ZNF516: variants seen among roughly 807,000 people sequenced by gnomAD.
ZNF516 encodes the protein zinc finger protein 516.
In ZNF516, 19 loss-of-function variants were observed where a neutral mutation model predicts 79.7. That is an observed-to-expected ratio of 0.24 (90% CI 0.17 to 0.35). ZNF516 has a LOEUF of 0.35. Among genes scored for constraint, ZNF516 ranks in the 10% least tolerant of loss-of-function variants. The probability of loss-of-function intolerance (pLI) is 1.00; values close to 1 mark genes in which losing one functional copy is unlikely to be tolerated. For missense variants in ZNF516, 1,678 were observed against 1,679.5 expected, an observed-to-expected ratio of 1.00 and a Z score of 0.02; for synonymous variants, 877 against 739.5, an observed-to-expected ratio of 1.19 and a Z score of -3.02.
At chr18:76,407,391 C>T (rs1344462261) in intron 3 of ZNF516, among the ~76,000 whole-genome samples, 1 of 152,222 alleles carries the variant, frequency 6.6e-6, no homozygotes, top group Non-Finnish European at 1.5e-5. Context: ...TGCCACTGCA[C>T]TCCAGCCTGA....
chr18:76,402,118 T>A (rs1389915187), intron 3 of ZNF516, among the ~76,000 whole-genome samples: 2 of 146,238 alleles, frequency 1.4e-5, no homozygotes, highest in African/African-American at 5.0e-5. Flanking sequence ...TGCACAAGCC[T>A]TAGCCCCGCG....
At chr18:76,441,200 A>C (rs2145534080) in intron 3 of ZNF516, 45 bp downstream of exon 3, 1 of 1,576,102 alleles carries the variant, frequency 6.3e-7, no homozygotes, top group East Asian at 2.3e-5. Flanking sequence ...GAACCCCCTG[A>C]GCCTGGGATC....
rs1281674498 is a variant in ZNF516, at chr18:76,384,386, C to T, written c.1811-4083G>A. ...CTCCACGGTTCCGACACCCCCACCA[C>T]GGGCCGCACCCCTTTCTCCTTAGCC... On this transcript the variant is annotated intron_variant, in intron 3 of 6. Coordinates refer to ENST00000443185, the MANE Select transcript of ZNF516 (RefSeq NM_014643.4). Among the ~76,000 whole-genome samples the T allele has an allele frequency of 3.1e-4, 41 of 131,614 alleles. 2 individuals are homozygous for T. The East Asian group carries it at 8.9e-3, about 28-fold the overall frequency. The allele number at this position is 131,614 out of a possible 152,430, so 86.3% of individuals were successfully genotyped here.
intron 4 of ZNF516, 119 bp from the exon 5 acceptor site, chr18:76,371,690 C>A: frequency 4.0e-6 from 3 of 759,096 alleles, no homozygotes; most frequent in East Asian, 2.7e-5. Flanking sequence ...AATGTGTCAT[C>A]ATGTGAGGCT....
At chr18:76,454,641 CATG>C (rs1235844941) in intron 2 of ZNF516, among the ~76,000 whole-genome samples, 5 of 152,196 alleles carry the variant, frequency 3.3e-5, no homozygotes, top group African/African-American at 4.8e-5. Flanking sequence ...CTGACAAAAA[CATG>C]ATGTCACATT....
intron 3 of ZNF516, among the ~76,000 whole-genome samples, chr18:76,382,647 A>G (rs141416500): frequency 0.035 from 5,328 of 152,306 alleles, 140 homozygotes; most frequent in Non-Finnish European, 0.054. Flanking sequence ...ACAGTGGCTC[A>G]GACCCATAAT....
intron 1 of ZNF516, among the ~76,000 whole-genome samples, chr18:76,482,324 T>C (rs1261219950): frequency 6.6e-6 from 1 of 152,236 alleles, no homozygotes. Flanking sequence ...TTCTTTATTT[T>C]TGTTTGTATT....
At chr18:76,378,825 C>T in intron 4 of ZNF516, 30 bp downstream of exon 4, 1 of 1,593,992 alleles carries the variant, frequency 6.3e-7, no homozygotes, top group Non-Finnish European at 8.6e-7. Flanking sequence ...TCACATGTGG[C>T]CTGGGGAAGA....
chr18:76,381,229 T>G (rs769554469), intron 3 of ZNF516, among the ~76,000 whole-genome samples: 1 of 152,176 alleles, frequency 6.6e-6, no homozygotes, highest in Non-Finnish European at 1.5e-5. Flanking sequence ...GAGACTGTAC[T>G]GCAAGTGGAC....
intron 1 of ZNF516, among the ~76,000 whole-genome samples, chr18:76,473,856 A>G (rs547995567): frequency 2.9e-5 from 4 of 138,970 alleles, no homozygotes; most frequent in Non-Finnish European, 6.1e-5. Context: ...TAGAACTCAC[A>G]AAGAAGATGT....
chr18:76,435,228 C>A (rs1341956653), intron 3 of ZNF516, among the ~76,000 whole-genome samples: 1 of 152,206 alleles, frequency 6.6e-6, no homozygotes, highest in African/African-American at 2.4e-5. Flanking sequence ...GTACATCCCA[C>A]ATGTATTTCT....
At chr18:76,449,950 C>T (rs1279380836) in intron 2 of ZNF516, among the ~76,000 whole-genome samples, 2 of 152,190 alleles carry the variant, frequency 1.3e-5, no homozygotes, top group East Asian at 1.9e-4. Context: ...ACAACGAGCA[C>T]ATTCAAACAT....
intron 3 of ZNF516, among the ~76,000 whole-genome samples, chr18:76,420,800 C>T (rs1292939387): frequency 6.6e-6 from 1 of 152,168 alleles, no homozygotes; most frequent in Non-Finnish European, 1.5e-5. Flanking sequence ...AATGTACTTT[C>T]ATCAGGAAAG....
chr18:76,492,549 C>A, intron 1 of ZNF516: 1 of 338,040 alleles, frequency 3.0e-6, no homozygotes, highest in Non-Finnish European at 4.2e-6. Flanking sequence ...ACACATGCTG[C>A]CCTTCACTTT....
At chr18:76,438,414 C>T (rs2075773335) in intron 3 of ZNF516, among the ~76,000 whole-genome samples, 1 of 152,198 alleles carries the variant, frequency 6.6e-6, no homozygotes, top group Non-Finnish European at 1.5e-5. Flanking sequence ...TGCCCTTTCA[C>T]CCCTCTTTCT....
chr18:76,480,335 G>C (rs1221152975), intron 1 of ZNF516, among the ~76,000 whole-genome samples: 2 of 152,040 alleles, frequency 1.3e-5, no homozygotes, highest in Non-Finnish European at 2.9e-5. Context: ...TAAAGTGATA[G>C]ACATAGCGTG....
intron 1 of ZNF516, chr18:76,492,277 C>A (rs1458817609): frequency 1.0e-6 from 1 of 985,328 alleles, no homozygotes; most frequent in Non-Finnish European, 1.2e-6. Context: ...TCCCGAGGTG[C>A]GTACTACGCG....
At chr18:76,433,952 G>A (rs1300999437) in intron 3 of ZNF516, among the ~76,000 whole-genome samples, 1 of 152,140 alleles carries the variant, frequency 6.6e-6, no homozygotes, top group African/African-American at 2.4e-5. Flanking sequence ...TCCTGGCCGG[G>A]AAACCCCACC....
At chr18:76,470,471 G>C (rs1486704467) in intron 1 of ZNF516, among the ~76,000 whole-genome samples, 1 of 152,148 alleles carries the variant, frequency 6.6e-6, no homozygotes, top group African/African-American at 2.4e-5. Flanking sequence ...GCACTGTTCT[G>C]ATCCAAGGAG....
Sources: allele counts gnomAD v4.1 joint callset (sites outside exome capture counted in the v4.1 genomes callset), GRCh38; gene constraint gnomAD v4.1.1; transcripts MANE v1.5; gene names NCBI Gene and HGNC (gene_info 2026-07-23, HGNC 2026-07-21).